The following HERC3 variants were observed in gnomAD, a reference collection of about 807,000 sequenced individuals.
HERC3 encodes the protein probable E3 ubiquitin-protein ligase HERC3.
In HERC3, 58 loss-of-function variants were observed where a neutral mutation model predicts 129.9. The ratio of observed to expected loss-of-function variants is 0.45; its 90% CI spans 0.36 to 0.56. The LOEUF (loss-of-function observed/expected upper bound fraction) is 0.56. HERC3 is among the 20% of genes least tolerant of loss of function. The probability of loss-of-function intolerance (pLI) is 0.00; values close to 1 mark genes in which losing one functional copy is unlikely to be tolerated. For synonymous variants in HERC3, 430 were observed against 451.0 expected (o/e 0.95, Z 0.59); for missense variants, 835 against 1,244.2 (o/e 0.67, Z 4.95).
At chr4:88,648,757 TCTC>T (rs1728957898) in intron 3 of HERC3, among the ~76,000 whole-genome samples, 1 of 152,150 alleles carries the variant, frequency 6.6e-6, no homozygotes, top group African/African-American at 2.4e-5. Context: ...TCTTGTGTCT[TCTC>T]CATTCTCTTT....
chr4:88,641,444 G>T (rs1247825011), intron 3 of HERC3, among the ~76,000 whole-genome samples: 1 of 152,156 alleles, frequency 6.6e-6, no homozygotes, highest in Non-Finnish European at 1.5e-5. Flanking sequence ...TACAAGGAAA[G>T]AAATAGTGAT....
chr4:88,658,402 T>G lies in HERC3; in HGVS notation c.1070-13T>G, dbSNP rs779659152. 1.3e-6 allele frequency: 2 copies of G among 1,535,192 alleles called. No homozygotes were observed. ...TAATGAAAAATATGCTTTCGGAATT[T>G]TTTTTTTGACAGATCGCTTTAAATA... On this transcript the variant is annotated splice_polypyrimidine_tract_variant and intron_variant, in intron 9 of 25. Transcript: ENST00000402738.
At chr4:88,577,617 A>ATATATATATATATATAT in the HERC3 span, among the ~76,000 whole-genome samples, 1 of 149,790 alleles carries the variant, frequency 6.7e-6, no homozygotes, top group African/African-American at 2.5e-5. Flanking sequence ...ATATATATAT[A>ATATATATATATATATAT]ATAGGTTTGT....
At chr4:88,603,461 C>T (rs539623680) in intron 2 of HERC3, among the ~76,000 whole-genome samples, 1 of 152,292 alleles carries the variant, frequency 6.6e-6, no homozygotes, top group South Asian at 2.1e-4. Flanking sequence ...TCTGCCTCAG[C>T]CTCCCAAAGT....
the HERC3 span, among the ~76,000 whole-genome samples, chr4:88,548,483 G>A: frequency 6.6e-6 from 1 of 151,810 alleles, no homozygotes. Context: ...CTGTTTATTG[G>A]CCATTTGTTT....
At chr4:88,601,813 T>G (rs1049236168) in intron 2 of HERC3, among the ~76,000 whole-genome samples, 4 of 91,732 alleles carry the variant, frequency 4.4e-5, no homozygotes, top group Non-Finnish European at 3.5e-5. Flanking sequence ...TCCCAGCACT[T>G]TGGGAGGCCG....
upstream of HERC3, among the ~76,000 whole-genome samples, chr4:88,588,349 A>C (rs1463932481): frequency 6.6e-6 from 1 of 152,236 alleles, no homozygotes; most frequent in Non-Finnish European, 1.5e-5. Flanking sequence ...CATATTAATA[A>C]ATCAATGCTG....
intron 3 of HERC3, among the ~76,000 whole-genome samples, chr4:88,611,400 A>G (rs765153798): frequency 3.3e-5 from 5 of 152,186 alleles, no homozygotes; most frequent in Non-Finnish European, 7.3e-5. Context: ...TGTTACAGGT[A>G]TCTGTTGGTC....
At chr4:88,581,370 G>T in the HERC3 span, among the ~76,000 whole-genome samples, 1 of 151,508 alleles carries the variant, frequency 6.6e-6, no homozygotes, top group Non-Finnish European at 1.5e-5. Flanking sequence ...GCATGATCTG[G>T]GCTCACTGCA....
the HERC3 span, among the ~76,000 whole-genome samples, chr4:88,539,915 A>G: frequency 1.3e-5 from 2 of 152,196 alleles, no homozygotes; most frequent in African/African-American, 2.4e-5. Flanking sequence ...GGACATCCAC[A>G]CCAAAACTCT....
At chr4:88,686,513 C>T (rs1413212311) in intron 21 of HERC3, among the ~76,000 whole-genome samples, 1 of 152,082 alleles carries the variant, frequency 6.6e-6, no homozygotes, top group African/African-American at 2.4e-5. Flanking sequence ...TAAGATTTGT[C>T]GGTAAGAAGA....
At chr4:88,577,605 G>GTATATATATATATATA in the HERC3 span, among the ~76,000 whole-genome samples, 12 of 131,862 alleles carry the variant, frequency 9.1e-5, no homozygotes, top group South Asian at 8.8e-4. Flanking sequence ...GTATGTGTGT[G>GTATATATATATATATA]TATATATATA....
At chr4:88,558,960 T>C in the HERC3 span, among the ~76,000 whole-genome samples, 5 of 127,422 alleles carry the variant, frequency 3.9e-5, no homozygotes, top group Non-Finnish European at 7.8e-5. Context: ...AGAGCGAGAC[T>C]CTGTCTCAAA....
chr4:88,609,152 G>C (rs993717657), intron 3 of HERC3, among the ~76,000 whole-genome samples: 1 of 150,818 alleles, frequency 6.6e-6, no homozygotes, highest in Non-Finnish European at 1.5e-5. Context: ...GCATGGTGGT[G>C]TGTACCTGTT....
chr4:88,625,460 A>G (rs1198337798), intron 3 of HERC3, among the ~76,000 whole-genome samples: 1 of 152,076 alleles, frequency 6.6e-6, no homozygotes, highest in Non-Finnish European at 1.5e-5. Flanking sequence ...GTATTTTTAA[A>G]CAATCTTTAA....
At chr4:88,592,794 T>A (rs552565874) in intron 1 of HERC3, among the ~76,000 whole-genome samples, 1 of 151,734 alleles carries the variant, frequency 6.6e-6, no homozygotes, top group Admixed American at 6.5e-5. Flanking sequence ...GTACCCTGCG[T>A]ACGCCTCCCT....
intron 9 of HERC3, 41 bp downstream of exon 9, chr4:88,656,076 G>A: frequency 1.3e-6 from 2 of 1,591,900 alleles, no homozygotes; most frequent in African/African-American, 2.7e-5. Context: ...TATTTTAAGT[G>A]ATGAAAACAG....
Position 88,704,151 on chromosome 4 carries a change from A to G in HERC3, c.2711A>G (p.Glu904Gly). The change falls in exon 24 of 26, where the codon GAA becomes GGA. Residue 904 changes from glutamate to glycine, a missense_variant. Transcript: ENST00000402738. Reference protein sequence around the residue: ...VNYVFQISVHEWYTAFSSGFL... With the variant: ...VNYVFQISVHGWYTAFSSGFL... ...TATGTCTTCCAAATCTCAGTTCATG[A>G]ATGGTACACAGCCTTCTCTAGTGGC... 1 of 1,614,144 alleles carries G rather than the reference A, an allele frequency of 6.2e-7. No individual in the cohort carries two copies. The highest frequency in any genetic ancestry group is 8.5e-7 in the Non-Finnish European group (1 of 1,180,014).
intron 22 of HERC3, 69 bp from the exon 23 acceptor site, chr4:88,687,148 T>G: frequency 3.4e-6 from 4 of 1,159,758 alleles, no homozygotes; most frequent in Non-Finnish European, 5.1e-6. Flanking sequence ...CCTCTCTCAG[T>G]CATTTGAGTT....
Sources: gnomAD v4.1 joint callset for allele counts (sites outside exome capture counted in the v4.1 genomes callset) on GRCh38, gnomAD v4.1.1 for gene constraint, MANE v1.5 for transcripts, NCBI Gene and HGNC (gene_info 2026-07-23, HGNC 2026-07-21) for gene names.